The following CDYL variants were observed in gnomAD, a reference collection of about 807,000 sequenced individuals.
CDYL encodes chromodomain Y-like protein.
CDYL carries 8 observed loss-of-function variants against 47.3 expected under a neutral mutation model. That is an observed-to-expected ratio of 0.17 (90% confidence interval 0.10 to 0.31). CDYL has a LOEUF of 0.31. Among genes scored for constraint, CDYL ranks in the 10% least tolerant of loss-of-function variants. The pLI, the probability that CDYL is intolerant of heterozygous loss-of-function variation, is 1.00. For synonymous variants in CDYL, 266 were observed against 265.0 expected (o/e 1.00, Z -0.04); for missense variants, 471 against 701.4 (o/e 0.67, Z 3.71).
intron 2 of CDYL, among the ~76,000 whole-genome samples, chr6:4,930,198 G>A (rs1238576747): frequency 6.6e-6 from 1 of 152,162 alleles, no homozygotes; most frequent in Non-Finnish European, 1.5e-5. Context: ...TCAGTTTATA[G>A]GTCTCTGGTA....
chr6:4,880,830 T>C (rs1287144757), intron 1 of CDYL, among the ~76,000 whole-genome samples: 1 of 152,262 alleles, frequency 6.6e-6, no homozygotes, highest in Non-Finnish European at 1.5e-5. Flanking sequence ...ATGTCATCTT[T>C]GGGGAGATGT....
At chr6:4,706,751 T>C (rs9502224) in intron 1 of CDYL, among the ~76,000 whole-genome samples, 12,653 of 152,192 alleles carry the variant, frequency 0.083, 1,769 homozygotes, top group African/African-American at 0.29. Flanking sequence ...ATGGCACCAC[T>C]GCACTCCAGC....
At chr6:4,764,152 A>G (rs1312871699) in intron 3 of CDYL, among the ~76,000 whole-genome samples, 2 of 152,226 alleles carry the variant, frequency 1.3e-5, no homozygotes, top group African/African-American at 4.8e-5. Flanking sequence ...AGATTATCAA[A>G]CTGGATTAAA....
At chr6:4,915,615 A>T (rs1757536039) in intron 2 of CDYL, among the ~76,000 whole-genome samples, 1 of 152,220 alleles carries the variant, frequency 6.6e-6, no homozygotes, top group Non-Finnish European at 1.5e-5. Context: ...CCAGATACCA[A>T]CTTCCAACCT....
At chr6:4,724,942 C>A (rs1292233977) in intron 2 of CDYL, 1 of 152,202 alleles carries the variant, frequency 6.6e-6, no homozygotes, top group African/African-American at 2.4e-5. Context: ...CCACATCCTG[C>A]TGATTGGTCC....
chr6:4,951,700 G>T (rs1225237893), intron 5 of CDYL, among the ~76,000 whole-genome samples: 2 of 152,078 alleles, frequency 1.3e-5, no homozygotes, highest in African/African-American at 4.8e-5. Context: ...AGCAGAAACG[G>T]TCGCTGCCAT....
At chr6:4,933,730 CG>C (rs1171687793) in intron 2 of CDYL, among the ~76,000 whole-genome samples, 2 of 152,184 alleles carry the variant, frequency 1.3e-5, no homozygotes, top group Non-Finnish European at 2.9e-5. Context: ...TGGTAACATC[CG>C]ACCCAGTGGT....
intron 3 of CDYL, among the ~76,000 whole-genome samples, chr6:4,758,599 G>A (rs920478525): frequency 5.9e-5 from 9 of 151,956 alleles, no homozygotes; most frequent in African/African-American, 1.2e-4. Flanking sequence ...TGAGGCAGAG[G>A]TTGCCGTGAG....
In CDYL at chr6:4,793,137, G is replaced by T. The variant is rs181837487; in HGVS notation, c.24+16330G>T. ...CTGGCAAATTTCTCTCCTCATGGTGGTGTGCTCTTCCATCTACACCCTGGA... is the reference window on the plus strand; with the variant it reads ...CTGGCAAATTTCTCTCCTCATGGTGTTGTGCTCTTCCATCTACACCCTGGA... On this transcript the variant is annotated intron_variant, in intron 1 of 6. Coordinates refer to ENST00000397588, the MANE Select transcript of CDYL (RefSeq NM_004824.4). 1.3e-3 allele frequency among the ~76,000 whole-genome samples: 195 copies of T among 152,178 alleles called. 1 individual carries two copies. Among genetic ancestry groups the T allele is most frequent in the African/African-American group, 4.3e-3 (180 of 41,508 alleles).
chr6:4,937,916 C>G (rs903764883), intron 4 of CDYL, among the ~76,000 whole-genome samples, 179 bp downstream of exon 4: 1 of 152,216 alleles, frequency 6.6e-6, no homozygotes, highest in African/African-American at 2.4e-5. Context: ...CCATAAATTA[C>G]TACTTGCCTT....
In CDYL at chr6:4,870,627, G is replaced by A. The variant is rs57645982; in HGVS notation, c.25-21086G>A. Among the ~76,000 whole-genome samples the A allele has an allele frequency of 1.4e-3, 220 of 151,996 alleles. 1 individual carries two copies. The highest frequency in any genetic ancestry group is 5.1e-3 in the African/African-American group (212 of 41,434). On this transcript the variant is annotated intron_variant, in intron 1 of 6. Transcript: ENST00000397588. ...CTCTCTCCCCTCTCCTCTCCTTAGG[G>A]TATTCCCATTACATGTATGTCTGCA...
At chr6:4,876,487 T>TG in intron 1 of CDYL, among the ~76,000 whole-genome samples, 1 of 152,218 alleles carries the variant, frequency 6.6e-6, no homozygotes, top group East Asian at 1.9e-4. Flanking sequence ...TGCTTACCTT[T>TG]GATATTTTTT....
chr6:4,949,104 C>A (rs1348249277), intron 5 of CDYL, among the ~76,000 whole-genome samples: 1 of 152,262 alleles, frequency 6.6e-6, no homozygotes, highest in Non-Finnish European at 1.5e-5. Context: ...AGCAGGCCCT[C>A]CGCTGTAGGC....
intron 5 of CDYL, among the ~76,000 whole-genome samples, chr6:4,951,314 C>T (rs1581296192): frequency 6.6e-6 from 1 of 152,086 alleles, no homozygotes; most frequent in Non-Finnish European, 1.5e-5. Flanking sequence ...AAATTGTCCC[C>T]TCAGGCCAGT....
In CDYL at chr6:4,803,979, C is replaced by CTTTTT. The variant is rs202116997; in HGVS notation, c.24+27182_24+27186dup. Among the ~76,000 whole-genome samples, 1,194 of 133,140 alleles carry CTTTTT rather than the reference C, an allele frequency of 9.0e-3. 17 individuals are homozygous for CTTTTT. The highest frequency in any genetic ancestry group is 0.032 in the African/African-American group (1,140 of 36,186). The allele number at this position is 133,140 out of a possible 152,430, so 87.3% of individuals were successfully genotyped here. On this transcript the variant is annotated intron_variant, in intron 1 of 6. Transcript: ENST00000397588. ...CTTATGTGTCTCATGGCGTAGCGTG[C>CTTTTT]TTTTTTTTTTTTTTGCTCTCCTAAG...
At chr6:4,792,338 G>C (rs1758947697) in intron 1 of CDYL, among the ~76,000 whole-genome samples, 1 of 151,696 alleles carries the variant, frequency 6.6e-6, no homozygotes, top group Non-Finnish European at 1.5e-5. Context: ...TCTGATATAT[G>C]GCTTTGTCCT....
intron 2 of CDYL, among the ~76,000 whole-genome samples, chr6:4,723,629 G>C (rs1258774104): frequency 2.0e-5 from 3 of 152,150 alleles, no homozygotes; most frequent in Admixed American, 6.5e-5. Flanking sequence ...GACTAGCACT[G>C]TGCCTCCCAC....
chr6:4,814,083 A>AT (rs1462211521), intron 1 of CDYL, among the ~76,000 whole-genome samples: 4 of 152,020 alleles, frequency 2.6e-5, no homozygotes, highest in Non-Finnish European at 2.9e-5. Flanking sequence ...CTGGCCAAGT[A>AT]TTTTTTATTT....
intron 2 of CDYL, among the ~76,000 whole-genome samples, chr6:4,906,907 G>A (rs12110776): frequency 0.034 from 5,109 of 152,256 alleles, 97 homozygotes; most frequent in Middle Eastern, 0.082. Flanking sequence ...TAAATGTATT[G>A]TGTTCTATTA....
Sources: gnomAD v4.1 joint callset for allele counts (sites outside exome capture counted in the v4.1 genomes callset) on GRCh38, gnomAD v4.1.1 for gene constraint, MANE v1.5 for transcripts, NCBI Gene and HGNC (gene_info 2026-07-23, HGNC 2026-07-21) for gene names.